B9D1: variants seen among roughly 807,000 people sequenced by gnomAD.
B9D1 encodes the protein B9 domain-containing protein 1.
In B9D1, 20 loss-of-function variants were observed where a neutral mutation model predicts 26.1. That is an observed-to-expected ratio of 0.77 (90% CI 0.54 to 1.12). The LOEUF (loss-of-function observed/expected upper bound fraction) is 1.12, where lower values mean the gene tolerates loss of function less well. Among genes scored for constraint, B9D1 ranks in the 50% most tolerant of loss-of-function variants. The pLI is 0.00. For synonymous variants in B9D1, 105 were observed against 103.1 expected, an observed-to-expected ratio of 1.02 and a Z score of -0.11; for missense variants, 260 against 273.7, an observed-to-expected ratio of 0.95 and a Z score of 0.35.
At chr17:19,348,021 G>A in intron 3 of B9D1, 141 bp from the exon 4 acceptor site, 1 of 739,716 alleles carries the variant, frequency 1.4e-6, no homozygotes, top group South Asian at 1.5e-5. Context: ...GGGGACAGGA[G>A]CAGGCATGGG....
intron 1 of B9D1, among the ~76,000 whole-genome samples, chr17:19,368,728 C>T (rs535262577): frequency 2.0e-5 from 3 of 152,114 alleles, no homozygotes; most frequent in South Asian, 2.1e-4. Context: ...GAGGATCATT[C>T]GAGCCCAGAA....
In B9D1 at chr17:19,370,197, G is replaced by A. The variant is rs1483391739; in HGVS notation, c.-298+7662C>T. ...GATGGATTTTATTCCATGAGATGGG[G>A]CAGCTGTTGCAGGAACACGATTTGA... is the stretch of plus-strand genomic sequence containing the variant. On this transcript the variant is annotated intron_variant, in intron 1 of 5. Coordinates refer to the B9D1 transcript ENST00000477478. This position sits in a 1 kb window ranked among gnomAD's most constrained non-coding sequence, Gnocchi z 5.1. 1.3e-5 allele frequency among the ~76,000 whole-genome samples: 2 copies of A among 152,252 alleles called. No homozygotes were observed. The highest frequency in any genetic ancestry group is 6.5e-5 in the Admixed American group (1 of 15,284).
downstream of B9D1, among the ~76,000 whole-genome samples, chr17:19,337,913 T>C (rs11650112): frequency 0.97 from 146,154 of 151,084 alleles, 70,880 homozygotes; most frequent in African/African-American, 0.99. Flanking sequence ...TGGTGGAGGG[T>C]GGGAGGTGGG....
intron 1 of B9D1, among the ~76,000 whole-genome samples, chr17:19,369,060 T>C (rs1688100882): frequency 2.0e-5 from 3 of 152,208 alleles, no homozygotes; most frequent in Admixed American, 6.5e-5. Context: ...GTGAAGTGGA[T>C]GACATTCTTT....
At chr17:19,354,834 A>C (rs1012446565) in intron 3 of B9D1, among the ~76,000 whole-genome samples, 1 of 152,218 alleles carries the variant, frequency 6.6e-6, no homozygotes, top group African/African-American at 2.4e-5. Flanking sequence ...TCTCGAAAAA[A>C]AGAGAAAAAA....
rs779880608 is a variant in B9D1, at chr17:19,357,895, T to C, written c.189A>G (p.Ala63=). ...ITSKSQDVRQ[A]LVWNFPIDVT... The stretch of plus-strand genomic sequence containing the variant: ...CATCAATGGGGAAGTTCCACACCAG[T>C]GCTTGCCGCACATCTTGGCTCTTGG... Residue 63 remains alanine, a synonymous_variant, in exon 3 of 7, where the codon GCA becomes GCG. Coordinates refer to ENST00000261499, the MANE Select transcript of B9D1 (RefSeq NM_015681.6). 6 of 1,614,166 alleles carry C rather than the reference T, an allele frequency of 3.7e-6. No individual in the cohort carries two copies. The South Asian group carries it at 6.6e-5, about 18-fold the overall frequency.
intron 3 of B9D1, among the ~76,000 whole-genome samples, chr17:19,353,526 G>A (rs1466634777): frequency 2.0e-5 from 3 of 152,034 alleles, no homozygotes; most frequent in Non-Finnish European, 4.4e-5. Flanking sequence ...TGTAATCCCA[G>A]CTACTTGGGA....
At chr17:19,363,265 A>G (rs961735239), upstream of B9D1, among the ~76,000 whole-genome samples, 1 of 152,232 alleles carries the variant, frequency 6.6e-6, no homozygotes, top group Non-Finnish European at 1.5e-5. Context: ...CCTTACATCC[A>G]AGCCATCGCT....
At chr17:19,337,893 G>A, downstream of B9D1, 1 of 622,292 alleles carries the variant, frequency 1.6e-6, no homozygotes. Flanking sequence ...GCAAGTGCAG[G>A]CTTCCTTAGT....
chr17:19,377,833 C>G, intron 1 of B9D1: 10 of 985,362 alleles, frequency 1.0e-5, no homozygotes, highest in Non-Finnish European at 1.2e-5. Flanking sequence ...AATCGCGGGA[C>G]AGACAAACGA....
At chr17:19,377,071 G>A (rs1567915854) in intron 1 of B9D1, among the ~76,000 whole-genome samples, 2 of 152,170 alleles carry the variant, frequency 1.3e-5, no homozygotes, top group Non-Finnish European at 2.9e-5. Flanking sequence ...AATCTTGCAT[G>A]TATTGACTTA....
At chr17:19,337,604 G>A, downstream of B9D1, 3 of 979,524 alleles carry the variant, frequency 3.1e-6, no homozygotes. Context: ...AGGGTGTGTG[G>A]GATGCTCTTG....
upstream of B9D1, chr17:19,362,907 T>C: frequency 2.3e-6 from 1 of 428,680 alleles, no homozygotes. Flanking sequence ...GTGTTCACTC[T>C]GACTCGGCCC....
chr17:19,363,593 C>T (rs953788672), upstream of B9D1: 1 of 152,254 alleles, frequency 6.6e-6, no homozygotes, highest in Non-Finnish European at 1.5e-5. Context: ...GGGCCAGCCC[C>T]AACAGCATCT....
downstream of B9D1, chr17:19,337,591 A>G (rs1907549912): frequency 9.2e-6 from 8 of 868,048 alleles, no homozygotes; most frequent in East Asian, 1.9e-4. Flanking sequence ...CAGGAGAGAA[A>G]GAAGGGTGTG....
rs1019821060 is a variant in B9D1 at position 19,373,691 on chromosome 17, T to C, written c.-298+4168A>G. On this transcript the variant is annotated intron_variant, in intron 1 of 5. Coordinates refer to the B9D1 transcript ENST00000477478. ...CAGGATTGAGACACCGCGCCCAGCCTAATTTTTGTATTTTTAGTAGAGACA... is the reference window on the plus strand; with the variant it reads ...CAGGATTGAGACACCGCGCCCAGCCCAATTTTTGTATTTTTAGTAGAGACA... Among the ~76,000 whole-genome samples, 3 of 152,222 alleles carry C rather than the reference T, an allele frequency of 2.0e-5. No homozygotes were observed. In the East Asian group the frequency reaches 5.8e-4, roughly 29 times the overall value.
At chr17:19,342,072 T>C (rs930769576), downstream of B9D1, among the ~76,000 whole-genome samples, 10 of 152,066 alleles carry the variant, frequency 6.6e-5, no homozygotes, top group South Asian at 4.1e-4. Flanking sequence ...AGACAGACTG[T>C]TCCAAGTGAG....
At chr17:19,337,390 G>A (rs1488076658), downstream of B9D1, among the ~76,000 whole-genome samples, 3 of 152,350 alleles carry the variant, frequency 2.0e-5, no homozygotes, top group East Asian at 5.8e-4. Context: ...AGGCGGCTGG[G>A]AGACCCTGAT....
chr17:19,360,535 G>A (rs765766599), intron 1 of B9D1, 147 bp from the exon 2 acceptor site: 153 of 742,476 alleles, frequency 2.1e-4, no homozygotes, highest in Non-Finnish European at 3.3e-4. Flanking sequence ...CAGAGGAGAG[G>A]CTGAGGACCA....
Sources: allele counts gnomAD v4.1 joint callset (sites outside exome capture counted in the v4.1 genomes callset), GRCh38; gene constraint gnomAD v4.1.1; non-coding constraint Gnocchi (gnomAD v3.1); transcripts MANE v1.5; gene names NCBI Gene and HGNC (gene_info 2026-07-23, HGNC 2026-07-21).